CFAP43: variants seen among roughly 807,000 people sequenced by gnomAD.
The protein encoded by CFAP43 is cilia- and flagella-associated protein 43.
A neutral mutation model predicts 218.9 loss-of-function variants in CFAP43; 155 were observed. That is an observed-to-expected ratio of 0.71 (90% CI 0.62 to 0.81). The LOEUF is 0.81. CFAP43 is among the 30% of genes least tolerant of loss of function. CFAP43 has a pLI of 0.00. For missense variants in CFAP43, 1,778 were observed against 1,954.3 expected (o/e 0.91, Z 1.70); for synonymous variants, 645 against 681.3 (o/e 0.95, Z 0.83).
chr10:104,215,323 C>A (rs2134981015), intron 3 of CFAP43, among the ~76,000 whole-genome samples: 1 of 152,226 alleles, frequency 6.6e-6, no homozygotes, highest in South Asian at 2.1e-4. Context: ...GCCAGAACTC[C>A]ATTCAGAGTT....
chr10:104,184,956 TA>T, intron 16 of CFAP43, 59 bp downstream of exon 16: 1 of 1,571,370 alleles, frequency 6.4e-7, no homozygotes, highest in Non-Finnish European at 8.6e-7. Context: ...TAAATAATAA[TA>T]AAATCTCTAT....
rs749986901 is a variant in CFAP43 at position 104,166,481 on chromosome 10, G to A, written c.3039+7C>T. 6.2e-7 allele frequency: 1 copy of A among 1,603,208 alleles called. No individual in the cohort carries two copies. The highest frequency in any genetic ancestry group is 1.1e-5 in the South Asian group (1 of 89,622). On this transcript the variant is annotated splice_region_variant and intron_variant, in intron 23 of 37. Coordinates refer to ENST00000357060, the MANE Select transcript of CFAP43 (RefSeq NM_025145.7). The stretch of plus-strand genomic sequence containing the variant: ...GATTTTTCAGGATAAAAAGAAAATT[G>A]ACCCACTTTCAATAATATAATTTGG...
chr10:104,165,557 G>A (rs939792601), intron 23 of CFAP43, among the ~76,000 whole-genome samples: 14 of 152,126 alleles, frequency 9.2e-5, no homozygotes, highest in African/African-American at 3.4e-4. Flanking sequence ...GACGTGGCTG[G>A]AGGGTTTTCA....
chr10:104,131,559 C>A (rs1380324303), intron 36 of CFAP43, 75 bp from the exon 37 acceptor site: 1 of 1,443,770 alleles, frequency 6.9e-7, no homozygotes, highest in African/African-American at 1.5e-5. Flanking sequence ...AGACATTATT[C>A]TTATATTTTA....
intron 34 of CFAP43, among the ~76,000 whole-genome samples, chr10:104,134,756 A>G (rs184472390): frequency 1.3e-5 from 2 of 152,248 alleles, no homozygotes; most frequent in East Asian, 3.9e-4. Context: ...CCAAAAAAGA[A>G]AAGCCCAGGA....
At chr10:104,183,593 G>T (rs2089930818) in intron 16 of CFAP43, among the ~76,000 whole-genome samples, 1 of 152,006 alleles carries the variant, frequency 6.6e-6, no homozygotes, top group African/African-American at 2.4e-5. Context: ...GTTTCACCTT[G>T]TTAGCCAGGA....
intron 27 of CFAP43, among the ~76,000 whole-genome samples, chr10:104,153,302 T>C (rs753614034): frequency 1.3e-5 from 2 of 152,216 alleles, no homozygotes; most frequent in Admixed American, 6.5e-5. Context: ...AATTTATATT[T>C]TTAAAGAGAA....
intron 5 of CFAP43, among the ~76,000 whole-genome samples, chr10:104,208,278 C>T (rs996504358): frequency 3.9e-5 from 6 of 152,248 alleles, no homozygotes; most frequent in Non-Finnish European, 7.4e-5. Flanking sequence ...ACAGACTTAA[C>T]TGAAATGACA....
chr10:104,218,529 G>C (rs1455334109), intron 3 of CFAP43, among the ~76,000 whole-genome samples: 1 of 151,956 alleles, frequency 6.6e-6, no homozygotes, highest in Non-Finnish European at 1.5e-5. Flanking sequence ...AACTGGCCGA[G>C]GGGAGAGGGG....
chr10:104,170,381 T>A (rs1185115371), intron 20 of CFAP43, among the ~76,000 whole-genome samples: 1 of 151,918 alleles, frequency 6.6e-6, no homozygotes, highest in Non-Finnish European at 1.5e-5. Flanking sequence ...AGTTTGGCAA[T>A]GGTAAATAGT....
In CFAP43 at chr10:104,208,397, A is replaced by G. The variant is rs142946563; in HGVS notation, c.736-573T>C. 3.9e-5 allele frequency among the ~76,000 whole-genome samples: 6 copies of G among 152,174 alleles called. No homozygotes were observed. The East Asian group carries it at 7.7e-4, about 20-fold the overall frequency. ...CAAAATGTGAAGATTAAAATTTGAA[A>G]TTTTCTGGCCTTGGTATGTTAAACT... On this transcript the variant is annotated intron_variant, in intron 5 of 37. Coordinates refer to ENST00000357060, the MANE Select transcript of CFAP43 (RefSeq NM_025145.7).
At chr10:104,169,434 A>G (rs1159722327) in intron 20 of CFAP43, among the ~76,000 whole-genome samples, 2 of 152,086 alleles carry the variant, frequency 1.3e-5, no homozygotes, top group African/African-American at 2.4e-5. Flanking sequence ...GGATCATACA[A>G]TCTGTGTTTT....
At chr10:104,228,439 C>T (rs898617724) in intron 2 of CFAP43, among the ~76,000 whole-genome samples, 3 of 152,152 alleles carry the variant, frequency 2.0e-5, no homozygotes, top group Admixed American at 2.0e-4. Context: ...CTTCTAATTA[C>T]TATGGCACCA....
intron 16 of CFAP43, among the ~76,000 whole-genome samples, chr10:104,182,939 C>T (rs551681625): frequency 6.6e-6 from 1 of 152,146 alleles, no homozygotes; most frequent in Non-Finnish European, 1.5e-5. Flanking sequence ...AGCTTCTTGA[C>T]CTTTCTAGGG....
chr10:104,211,564 A>T lies in CFAP43; in HGVS notation c.735+443T>A, dbSNP rs1589789608. ...AATTCCTTTCGCCCCTGAGTTCAGCAGTCAGCTGGCTCTGGCTCTCTTTTC... is the reference window on the plus strand; with the variant it reads ...AATTCCTTTCGCCCCTGAGTTCAGCTGTCAGCTGGCTCTGGCTCTCTTTTC... On this transcript the variant is annotated intron_variant, in intron 5 of 37. Coordinates refer to ENST00000357060, the MANE Select transcript of CFAP43 (RefSeq NM_025145.7). Among the ~76,000 whole-genome samples, 3 of 152,124 alleles carry T rather than the reference A, an allele frequency of 2.0e-5. No individual in the cohort carries two copies. In the South Asian group the frequency reaches 6.2e-4, roughly 32 times the overall value.
intron 19 of CFAP43, among the ~76,000 whole-genome samples, chr10:104,174,565 C>T (rs1456257316): frequency 6.6e-6 from 1 of 152,106 alleles, no homozygotes; most frequent in African/African-American, 2.4e-5. Context: ...CACAGCCAAA[C>T]CATATCACCA....
intron 7 of CFAP43, among the ~76,000 whole-genome samples, chr10:104,204,992 A>G (rs2090637461): frequency 6.6e-6 from 1 of 152,148 alleles, no homozygotes; most frequent in South Asian, 2.1e-4. Context: ...AGGCGGGCGG[A>G]TCATGAGGTC....
intron 34 of CFAP43, among the ~76,000 whole-genome samples, chr10:104,138,636 T>C (rs1022356642): frequency 2.7e-5 from 4 of 150,390 alleles, no homozygotes; most frequent in South Asian, 2.1e-4. Context: ...GATAGTGCCA[T>C]TGCACACCAG....
intron 34 of CFAP43, among the ~76,000 whole-genome samples, chr10:104,139,066 A>G (rs1035427373): frequency 1.3e-5 from 2 of 152,252 alleles, no homozygotes; most frequent in African/African-American, 4.8e-5. Context: ...TCTATCTACA[A>G]TAATATGGTA....
Sources: allele counts gnomAD v4.1 joint callset (sites outside exome capture counted in the v4.1 genomes callset), GRCh38; gene constraint gnomAD v4.1.1; transcripts MANE v1.5; gene names NCBI Gene and HGNC (gene_info 2026-07-23, HGNC 2026-07-21).